Variants in NMNAT3 observed in about 807,000 individuals in gnomAD.
NMNAT3 encodes nicotinamide nucleotide adenylyltransferase 3.
A neutral mutation model predicts 24.8 loss-of-function variants in NMNAT3; 21 were observed. The observed-to-expected ratio is 0.85, with a 90% CI of 0.60 to 1.22. NMNAT3 has a LOEUF of 1.22. Among genes scored for constraint, NMNAT3 ranks in the 50% most tolerant of loss-of-function variants. NMNAT3 has a pLI of 0.00. For missense variants in NMNAT3, 387 were observed against 436.6 expected, an observed-to-expected ratio of 0.89 and a Z score of 1.01; for synonymous variants, 136 against 155.2, an observed-to-expected ratio of 0.88 and a Z score of 0.92.
chr3:139,662,113 G>T (rs1410217792), intron 1 of NMNAT3, among the ~76,000 whole-genome samples: 1 of 152,114 alleles, frequency 6.6e-6, no homozygotes, highest in African/African-American at 2.4e-5. Context: ...TCTAGCGGGG[G>T]ACTCCTCTTG....
intron 1 of NMNAT3, among the ~76,000 whole-genome samples, chr3:139,640,683 T>C (rs2056669272): frequency 6.6e-6 from 1 of 152,186 alleles, no homozygotes; most frequent in Admixed American, 6.5e-5. Flanking sequence ...AGAGACATGA[T>C]GCCCAAGAAG....
chr3:139,645,442 G>C (rs2056839418), intron 1 of NMNAT3, among the ~76,000 whole-genome samples: 1 of 152,176 alleles, frequency 6.6e-6, no homozygotes, highest in African/African-American at 2.4e-5. Context: ...AGGCAGTTTA[G>C]GGTTAGGGCA....
intron 6 of NMNAT3, chr3:139,568,932 G>C (rs1289973869): frequency 1.3e-5 from 2 of 152,208 alleles, no homozygotes; most frequent in African/African-American, 4.8e-5. Flanking sequence ...GTCTAATGTT[G>C]ACAGTGGAGT....
At chr3:139,595,113 T>C (rs534288964) in intron 3 of NMNAT3, among the ~76,000 whole-genome samples, 1 of 152,162 alleles carries the variant, frequency 6.6e-6, no homozygotes, top group African/African-American at 2.4e-5. Flanking sequence ...CTTCAGCAAG[T>C]CTCAGGATAC....
At position 139,633,205 on chromosome 3, in the gene NMNAT3, C is replaced by T. The variant is rs575543030; in HGVS notation, c.-41+4758G>A. Among the ~76,000 whole-genome samples, 335 of 148,080 alleles carry T rather than the reference C, an allele frequency of 2.3e-3. 1 individual carries two copies. The highest frequency in any genetic ancestry group is 0.01 in the Middle Eastern group (3 of 288). On this transcript the variant is annotated intron_variant, in intron 2 of 6. Coordinates refer to ENST00000643695, the MANE Select transcript of NMNAT3 (RefSeq NM_001320510.2). ...GATTTTTTTTTTTTTTTTGAGATAG[C>T]GTTTTGCTCTTGTTGCCCAGGCTGG...
At chr3:139,583,720 T>C (rs577018985) in intron 3 of NMNAT3, 57 of 637,912 alleles carry the variant, frequency 8.9e-5, no homozygotes, top group African/African-American at 5.7e-4. Context: ...TTGAGAAATA[T>C]AGGTGGATTG....
At chr3:139,606,507 TAA>T (rs1292514203) in intron 3 of NMNAT3, among the ~76,000 whole-genome samples, 2 of 152,210 alleles carry the variant, frequency 1.3e-5, no homozygotes, top group Non-Finnish European at 2.9e-5. Flanking sequence ...TTTCTCCACA[TAA>T]GTTAGTATTT....
intron 6 of NMNAT3, among the ~76,000 whole-genome samples, chr3:139,562,746 G>A (rs1264806361): frequency 1.3e-5 from 2 of 152,206 alleles, no homozygotes; most frequent in Admixed American, 6.5e-5. Flanking sequence ...GCTGCTGTGC[G>A]GCCAGAGCCA....
chr3:139,562,092 C>A (rs1333522528), intron 6 of NMNAT3, among the ~76,000 whole-genome samples: 1 of 152,098 alleles, frequency 6.6e-6, no homozygotes. Flanking sequence ...CTACTAAGCT[C>A]TTTATGTGTA....
intron 6 of NMNAT3, among the ~76,000 whole-genome samples, chr3:139,564,973 T>C (rs1198173353): frequency 6.6e-6 from 1 of 152,222 alleles, no homozygotes; most frequent in East Asian, 1.9e-4. Flanking sequence ...TCCTTAGTCT[T>C]TTCTATTTAG....
At chr3:139,663,085 T>G (rs896425636) in intron 1 of NMNAT3, among the ~76,000 whole-genome samples, 24 of 152,244 alleles carry the variant, frequency 1.6e-4, no homozygotes, top group Non-Finnish European at 4.4e-5. Context: ...GGGACTACAG[T>G]TAAGGTGTCA....
In NMNAT3 at chr3:139,596,916, G is replaced by GTGTATATA. The variant is rs1393197797; in HGVS notation, c.110-13709_110-13708insTATATACA. 2.8e-3 allele frequency among the ~76,000 whole-genome samples: 270 copies of GTGTATATA among 96,722 alleles called. 1 individual carries two copies. Among genetic ancestry groups the GTGTATATA allele is most frequent in the South Asian group, 7.6e-3 (18 of 2,378 alleles). 63.5% of individuals were successfully genotyped at this position (96,722 alleles called of 152,430 possible). On this transcript the variant is annotated intron_variant, in intron 3 of 6. Transcript: ENST00000643695. ...TTTCCACTATATTTTTGTCATGTGT[G>GTGTATATA]TATATATATATATATATATATATAT...
In NMNAT3 at chr3:139,638,402, G is replaced by A. The variant is rs116591484; in HGVS notation, c.-140-340C>T. 5.2e-3 allele frequency among the ~76,000 whole-genome samples: 797 copies of A among 152,248 alleles called. 6 individuals carry two copies. Among genetic ancestry groups the A allele is most frequent in the African/African-American group, 0.019 (770 of 41,538 alleles). On this transcript the variant is annotated intron_variant, in intron 1 of 6. Transcript: ENST00000643695. ...AAGGCCCCCACTCCAGTCTAACAGTGGGCAATATGCCACATTTAGTGTTGG... is the reference window on the plus strand; with the variant it reads ...AAGGCCCCCACTCCAGTCTAACAGTAGGCAATATGCCACATTTAGTGTTGG...
At chr3:139,568,189 C>T (rs1937538380) in intron 6 of NMNAT3, 1 of 152,026 alleles carries the variant, frequency 6.6e-6, no homozygotes, top group Non-Finnish European at 1.5e-5. Flanking sequence ...GTGGTGATAT[C>T]CCCTTTATCA....
intron 3 of NMNAT3, among the ~76,000 whole-genome samples, chr3:139,620,578 G>A (rs1190446281): frequency 6.6e-6 from 1 of 152,006 alleles, no homozygotes; most frequent in Non-Finnish European, 1.5e-5. Context: ...ATGGATATTT[G>A]GCTTATTTCC....
chr3:139,582,612 A>C (rs1237130002), intron 4 of NMNAT3, among the ~76,000 whole-genome samples: 1 of 128,936 alleles, frequency 7.8e-6, no homozygotes, highest in Non-Finnish European at 1.6e-5. Context: ...ATTGCACTCC[A>C]GCCTGGGCAA....
intron 1 of NMNAT3, among the ~76,000 whole-genome samples, chr3:139,654,576 A>T (rs1482059867): frequency 1.3e-5 from 2 of 152,200 alleles, no homozygotes; most frequent in African/African-American, 4.8e-5. Flanking sequence ...CAAAACTATT[A>T]TGTTTCTAGG....
At chr3:139,670,686 C>T (rs2057729131) in intron 1 of NMNAT3, among the ~76,000 whole-genome samples, 1 of 152,156 alleles carries the variant, frequency 6.6e-6, no homozygotes, top group African/African-American at 2.4e-5. Flanking sequence ...TCCTGAGGTA[C>T]TAGAATACAA....
At chr3:139,631,422 A>C (rs193286211) in intron 2 of NMNAT3, among the ~76,000 whole-genome samples, 1 of 152,292 alleles carries the variant, frequency 6.6e-6, no homozygotes, top group Non-Finnish European at 1.5e-5. Context: ...CATGCTATAA[A>C]AGTGTCCCAT....
Sources: gnomAD v4.1 joint callset for allele counts (sites outside exome capture counted in the v4.1 genomes callset) on GRCh38, gnomAD v4.1.1 for gene constraint, MANE v1.5 for transcripts, NCBI Gene and HGNC (gene_info 2026-07-23, HGNC 2026-07-21) for gene names.